CADM2: variants seen among roughly 807,000 people sequenced by gnomAD.
CADM2 encodes the protein immunoglobulin superfamily member 4D.
Under a neutral mutation model 49.8 loss-of-function variants are expected in CADM2, and 12 were observed. That is an observed-to-expected ratio of 0.24 (90% CI 0.15 to 0.39). The LOEUF is 0.39. Among genes scored for constraint, CADM2 ranks in the 10% least tolerant of loss-of-function variants. CADM2 has a pLI of 1.00. For missense variants in CADM2, 378 were observed against 492.3 expected (o/e 0.77, Z 2.20); for synonymous variants, 214 against 175.4 (o/e 1.22, Z -1.74).
intron 1 of CADM2, among the ~76,000 whole-genome samples, chr3:85,608,762 G>T (rs961653119): frequency 6.6e-6 from 1 of 151,998 alleles, no homozygotes. Context: ...TTGTCCTGTT[G>T]TTTTGTTAGT....
At chr3:85,729,289 A>G (rs2067837512) in intron 2 of CADM2, among the ~76,000 whole-genome samples, 1 of 152,122 alleles carries the variant, frequency 6.6e-6, no homozygotes, top group African/African-American at 2.4e-5. Flanking sequence ...ATTCTTGAAA[A>G]GATCAACTAT....
chr3:85,032,900 A>C lies in CADM2; in HGVS notation c.61+73232A>C, dbSNP rs570565074. Among the ~76,000 whole-genome samples the C allele has an allele frequency of 9.5e-4, 145 of 152,290 alleles. 1 individual carries two copies. The highest frequency in any genetic ancestry group is 3.2e-3 in the African/African-American group (134 of 41,568). On this transcript the variant is annotated intron_variant, in intron 1 of 9. Coordinates refer to ENST00000383699, the MANE Select transcript of CADM2 (RefSeq NM_001167675.2). Reference sequence around the variant, plus strand: ...CAATAAACTTTTCATGGCAATTGTGAGAAAATAACATTTCTTTTTCTTAAT... The same window carrying C: ...CAATAAACTTTTCATGGCAATTGTGCGAAAATAACATTTCTTTTTCTTAAT...
chr3:85,595,998 T>G (rs2063229632), intron 1 of CADM2, among the ~76,000 whole-genome samples: 1 of 151,874 alleles, frequency 6.6e-6, no homozygotes, highest in Non-Finnish European at 1.5e-5. Context: ...ATGTCATGTA[T>G]TTTTTCTTCA....
chr3:85,769,174 A>G (rs1390280513), intron 2 of CADM2, among the ~76,000 whole-genome samples: 1 of 85,944 alleles, frequency 1.2e-5, no homozygotes, highest in African/African-American at 6.0e-5. Context: ...GTATATATAC[A>G]CATATATACA....
intron 1 of CADM2, among the ~76,000 whole-genome samples, chr3:85,370,646 T>A (rs887443546): frequency 6.6e-5 from 10 of 152,136 alleles, no homozygotes; most frequent in Non-Finnish European, 1.3e-4. Context: ...AACTATGTTA[T>A]TGGTTATGTA....
chr3:85,793,501 G>T (rs2071455711), intron 2 of CADM2, among the ~76,000 whole-genome samples: 2 of 152,158 alleles, frequency 1.3e-5, no homozygotes, highest in African/African-American at 4.8e-5. Context: ...TCAGAGGTGT[G>T]CTGTAAATGT....
At chr3:85,711,225 A>G (rs995607014) in intron 1 of CADM2, among the ~76,000 whole-genome samples, 1 of 152,140 alleles carries the variant, frequency 6.6e-6, no homozygotes, top group Non-Finnish European at 1.5e-5. Flanking sequence ...ACTGAAAGTT[A>G]TGAGATATGT....
At chr3:85,806,966 A>T (rs912476831) in intron 3 of CADM2, among the ~76,000 whole-genome samples, 9 of 152,192 alleles carry the variant, frequency 5.9e-5, no homozygotes, top group African/African-American at 2.2e-4. Context: ...AATGGAAAAA[A>T]TAAGACCTAA....
At chr3:85,686,095 A>T (rs1330363033) in intron 1 of CADM2, among the ~76,000 whole-genome samples, 1 of 152,208 alleles carries the variant, frequency 6.6e-6, no homozygotes, top group Non-Finnish European at 1.5e-5. Flanking sequence ...TTGATACATG[A>T]TGTATACAGG....
At chr3:85,918,379 G>T (rs910635947) in intron 6 of CADM2, among the ~76,000 whole-genome samples, 1 of 152,082 alleles carries the variant, frequency 6.6e-6, no homozygotes, top group East Asian at 1.9e-4. Context: ...GTTGAATTTT[G>T]TCAAAGGCCT....
chr3:85,833,202 G>T (rs1447157537), intron 3 of CADM2, among the ~76,000 whole-genome samples: 1 of 151,842 alleles, frequency 6.6e-6, no homozygotes, highest in African/African-American at 2.4e-5. Context: ...CTGATGTGCT[G>T]CTGGATTTGG....
intron 1 of CADM2, among the ~76,000 whole-genome samples, chr3:85,497,561 A>G (rs1420842938): frequency 6.6e-6 from 1 of 152,182 alleles, no homozygotes; most frequent in Admixed American, 6.5e-5. Context: ...CAGATTGTTT[A>G]AAAAACTTGT....
intron 1 of CADM2, among the ~76,000 whole-genome samples, chr3:85,674,993 A>G (rs1234184231): frequency 6.6e-6 from 1 of 152,138 alleles, no homozygotes; most frequent in Non-Finnish European, 1.5e-5. Context: ...GAAAAAGCAC[A>G]CATATCTAGA....
chr3:85,497,233 A>G (rs1056293837), intron 1 of CADM2, among the ~76,000 whole-genome samples: 5 of 152,126 alleles, frequency 3.3e-5, no homozygotes, highest in Admixed American at 6.5e-5. Flanking sequence ...TAGATTCTGA[A>G]TATTAGTCCC....
intron 2 of CADM2, among the ~76,000 whole-genome samples, chr3:85,783,862 T>C (rs1559654339): frequency 6.6e-6 from 1 of 152,194 alleles, no homozygotes; most frequent in Non-Finnish European, 1.5e-5. Flanking sequence ...TGTTTCTCTT[T>C]GGTGAGAAAA....
chr3:85,379,710 A>G (rs1427072443), intron 1 of CADM2, among the ~76,000 whole-genome samples: 1 of 152,076 alleles, frequency 6.6e-6, no homozygotes, highest in African/African-American at 2.4e-5. Context: ...CACAGGATCA[A>G]GTAATTGTGA....
At chr3:85,701,494 G>T (rs1482577385) in intron 1 of CADM2, among the ~76,000 whole-genome samples, 1 of 151,660 alleles carries the variant, frequency 6.6e-6, no homozygotes, top group Non-Finnish European at 1.5e-5. Context: ...TTTTTTTCCG[G>T]CTCCTTGCTC....
intron 1 of CADM2, among the ~76,000 whole-genome samples, chr3:85,699,084 TG>T (rs1391892268): frequency 6.6e-6 from 1 of 152,194 alleles, no homozygotes. Context: ...ATCCAAAGCC[TG>T]GGAGGACAGT....
intron 1 of CADM2, among the ~76,000 whole-genome samples, chr3:85,223,395 A>C (rs2042082767): frequency 6.6e-6 from 1 of 152,154 alleles, no homozygotes; most frequent in Admixed American, 6.6e-5. Flanking sequence ...TAACTTAATA[A>C]TCATTCATCC....
Sources: allele counts gnomAD v4.1 joint callset (sites outside exome capture counted in the v4.1 genomes callset), GRCh38; gene constraint gnomAD v4.1.1; transcripts MANE v1.5; gene names NCBI Gene and HGNC (gene_info 2026-07-23, HGNC 2026-07-21).